The following FBN3 variants were observed in gnomAD, a reference collection of about 807,000 sequenced individuals.
FBN3 encodes fibrillin-3.
Under a neutral mutation model 330.1 loss-of-function variants are expected in FBN3, and 234 were observed. The ratio of observed to expected loss-of-function variants is 0.71; its 90% CI spans 0.64 to 0.79. The LOEUF (loss-of-function observed/expected upper bound fraction) is 0.79, where lower values mean the gene tolerates loss of function less well. FBN3 is among the 30% of genes least tolerant of loss of function. The pLI, the probability that FBN3 is intolerant of heterozygous loss-of-function variation, is 0.00. For missense variants in FBN3, 3,606 were observed against 3,886.9 expected, an observed-to-expected ratio of 0.93 and a Z score of 1.92; for synonymous variants, 1,458 against 1,517.3, an observed-to-expected ratio of 0.96 and a Z score of 0.91.
At chr19:8,120,896 G>A (rs2082831190) in intron 25 of FBN3, among the ~76,000 whole-genome samples, 1 of 152,222 alleles carries the variant, frequency 6.6e-6, no homozygotes, top group East Asian at 1.9e-4. Flanking sequence ...TAGCTCAGAG[G>A]ATGCATGTGA....
intron 57 of FBN3, among the ~76,000 whole-genome samples, chr19:8,082,370 C>T (rs79031553): frequency 3.0e-5 from 2 of 65,658 alleles, no homozygotes; most frequent in African/African-American, 1.4e-4. Context: ...TTTCTTTTTT[C>T]TTTCTTTCTC....
chr19:8,112,224 T>C (rs1173010056), intron 30 of FBN3, 125 bp from the exon 31 acceptor site: 8 of 971,196 alleles, frequency 8.2e-6, no homozygotes, highest in African/African-American at 1.7e-5. Flanking sequence ...CCTCCTCCCA[T>C]TCACCTGGGG....
chr19:8,085,139 C>G (rs1233191812), intron 56 of FBN3, among the ~76,000 whole-genome samples: 2 of 152,086 alleles, frequency 1.3e-5, no homozygotes, highest in Non-Finnish European at 2.9e-5. Flanking sequence ...CACATTGGCT[C>G]ACACAACTGC....
chr19:8,074,391 A>T (rs1460227770), intron 61 of FBN3, among the ~76,000 whole-genome samples: 2 of 152,128 alleles, frequency 1.3e-5, no homozygotes, highest in Non-Finnish European at 2.9e-5. Context: ...CCTGTGAGGC[A>T]GTGGGAGAGC....
chr19:8,089,476 T>C (rs2082043692), intron 51 of FBN3, 69 bp downstream of exon 51: 2 of 1,587,386 alleles, frequency 1.3e-6, no homozygotes, highest in Non-Finnish European at 8.6e-7. Context: ...GTGTCTTCCC[T>C]GCCCTGCTCT....
chr19:8,097,642 T>C (rs1264463160), intron 41 of FBN3, among the ~76,000 whole-genome samples: 4 of 152,130 alleles, frequency 2.6e-5, no homozygotes, highest in African/African-American at 9.7e-5. Context: ...TTTTCTCAAT[T>C]AAAAATACAC....
At position 8,094,463 on chromosome 19, in the gene FBN3, T is replaced by C; in HGVS notation, c.5888A>G (p.Gln1963Arg). 2 of 1,613,608 alleles carry C rather than the reference T, an allele frequency of 1.2e-6. No homozygotes were observed. The highest frequency in any genetic ancestry group is 1.7e-6 in the Non-Finnish European group (2 of 1,179,722). The change falls in exon 47 of 64, where the codon CAG (glutamine) becomes CGG (arginine). Residue 1963 changes from glutamine (Q) to arginine (R), a missense_variant. Coordinates refer to ENST00000600128, the MANE Select transcript of FBN3 (RefSeq NM_032447.5). ...RCICPPGFQV[Q>R]SDHCIDIDEC... ...ACACTCACCAATGCAGTGGTCACTCTGCACCTGGAAGCCAGGGGGACAGAT... is the reference window on the plus strand; with the variant it reads ...ACACTCACCAATGCAGTGGTCACTCCGCACCTGGAAGCCAGGGGGACAGAT...
Position 8,112,657 on chromosome 19 carries a change from T to C in FBN3, c.3839-558A>G, listed in dbSNP as rs558235784. On this transcript the variant is annotated intron_variant, in intron 30 of 63. Transcript: ENST00000600128. ...AGAGTGAGACTCCGTCTCAAAAAAATAAATAAATAAAAAAATAAAAAAGTG... is the reference window on the plus strand; with the variant it reads ...AGAGTGAGACTCCGTCTCAAAAAAACAAATAAATAAAAAAATAAAAAAGTG... Among the ~76,000 whole-genome samples the C allele has an allele frequency of 2.6e-5, 4 of 151,804 alleles. No individual in the cohort carries two copies. The East Asian group carries it at 7.8e-4, about 29-fold the overall frequency.
chr19:8,111,812 G>A (rs2082592328), intron 31 of FBN3, 42 bp from the exon 32 acceptor site: 1 of 1,600,612 alleles, frequency 6.2e-7, no homozygotes, highest in African/African-American at 1.3e-5. Flanking sequence ...CATGGTGTGT[G>A]CATTGGGTGG....
At position 8,138,182 on chromosome 19, in the gene FBN3, G is replaced by C; in HGVS notation, c.1160C>G (p.Ala387Gly). The C allele has an allele frequency of 6.2e-7, 1 of 1,612,514 alleles. No individual in the cohort carries two copies. Among genetic ancestry groups the C allele is most frequent in the Non-Finnish European group, 8.5e-7 (1 of 1,179,470 alleles). ...PARLNPHGSD[A>G]RGIPSLGPGN... ...AGGGCCCAGGCTGGGGATCCCACGC[G>C]CATCAGAGCCATGGGGGTTGAGTCG... Residue 387 changes from alanine (A) to glycine (G), a missense_variant, in exon 10 of 64, where the codon GCG becomes GGG. By Grantham distance (60) the Ala-to-Gly change is moderately conservative. Transcript: ENST00000600128.
Position 8,126,353 on chromosome 19 carries a change from A to G in FBN3, c.2555-6T>C, listed in dbSNP as rs774531569. On this transcript the variant is annotated splice_polypyrimidine_tract_variant and splice_region_variant and intron_variant, in intron 20 of 63. Transcript: ENST00000600128. ...GCCCCGGGCACAGGCAGGGTCTGCA[A>G]CTGGGAGAACAAGAGTGAAGAGAGG... 2 of 1,589,236 alleles carry G rather than the reference A, an allele frequency of 1.3e-6. No homozygotes were observed. Among genetic ancestry groups the G allele is most frequent in the Non-Finnish European group, 1.7e-6 (2 of 1,169,384 alleles).
Position 8,075,304 on chromosome 19 carries a change from T to C in FBN3, c.7561A>G (p.Ser2521Gly), listed in dbSNP as rs2081614762. ...CECHQGFTLV[S>G]SGHGCEDVNE... ...GTACCTTCACAGCCATGGCCTGAGC[T>C]GACCAGGGTGAAGCCTTGGTGGCAT... The change falls in exon 60 of 64, where the codon AGC becomes GGC. Residue 2521 changes from serine to glycine, a missense_variant. Transcript: ENST00000600128. 1 of 1,614,076 alleles carries C rather than the reference T, an allele frequency of 6.2e-7. No individual in the cohort carries two copies. Among genetic ancestry groups the C allele is most frequent in the Non-Finnish European group, 8.5e-7 (1 of 1,179,938 alleles).
At chr19:8,128,204 A>G (rs1359645467) in intron 18 of FBN3, among the ~76,000 whole-genome samples, 3 of 152,158 alleles carry the variant, frequency 2.0e-5, no homozygotes, top group African/African-American at 7.2e-5. Flanking sequence ...GGATGTGTGT[A>G]TAACTGTGTG....
rs2083617625 is a variant in FBN3 at position 8,149,109 on chromosome 19, C to G, written c.-18+340G>C. Among the ~76,000 whole-genome samples the G allele has an allele frequency of 2.0e-5, 3 of 152,282 alleles. No individual in the cohort carries two copies. Among genetic ancestry groups the G allele is most frequent in the Admixed American group, 2.0e-4 (3 of 15,298 alleles). On this transcript the variant is annotated intron_variant, in intron 1 of 63. Coordinates refer to ENST00000600128, the MANE Select transcript of FBN3 (RefSeq NM_032447.5). The surrounding 1 kb of genome is among the most constrained non-coding windows in gnomAD (Gnocchi z 5.5). Reference sequence around the variant, plus strand: ...CTGAGGGCCAAACAGCGAGGGATACCAAGCTTCGCCGACGGGGAGGGGGCG... The same window carrying G: ...CTGAGGGCCAAACAGCGAGGGATACGAAGCTTCGCCGACGGGGAGGGGGCG...
Position 8,126,282 on chromosome 19 carries a change from C to T in FBN3, c.2605+15G>A, listed in dbSNP as rs527383635. On this transcript the variant is annotated intron_variant, in intron 21 of 63. Transcript: ENST00000600128. Reference sequence around the variant, plus strand: ...TCTGGAGTAGGGGGTGAGCTGGACACGGGCAGGCAGTTACCATCGCAGGTG... The same window carrying T: ...TCTGGAGTAGGGGGTGAGCTGGACATGGGCAGGCAGTTACCATCGCAGGTG... 2.7e-4 allele frequency: 424 copies of T among 1,583,292 alleles called. 4 individuals carry two copies. In the South Asian group the frequency reaches 4.6e-3, roughly 17 times the overall value.
At position 8,149,269 on chromosome 19, in the gene FBN3, A is replaced by C. The variant is rs557319414; in HGVS notation, c.-18+180T>G. 7.2e-3 allele frequency among the ~76,000 whole-genome samples: 1,081 copies of C among 149,340 alleles called. 10 individuals are homozygous for C. Among genetic ancestry groups the C allele is most frequent in the African/African-American group, 0.025 (1,020 of 40,504 alleles). On this transcript the variant is annotated intron_variant, in intron 1 of 63. Transcript: ENST00000600128. The surrounding 1 kb of genome is among the most constrained non-coding windows in gnomAD (Gnocchi z 5.5). ...CCTCCCGCCGGGTCCCCGCGCCCCC[A>C]CTCCCCACTGCGGCGGGCGCCACTA...
chr19:8,134,579 T>C (rs1269147261), intron 13 of FBN3, among the ~76,000 whole-genome samples: 1 of 152,108 alleles, frequency 6.6e-6, no homozygotes, highest in East Asian at 1.9e-4. Flanking sequence ...CATATTAGTC[T>C]GTCTGCTGGG....
At chr19:8,111,849 C>A in intron 31 of FBN3, 79 bp from the exon 32 acceptor site, 2 of 1,560,570 alleles carry the variant, frequency 1.3e-6, no homozygotes, top group Admixed American at 1.7e-5. Flanking sequence ...GACCCATCAA[C>A]CCTCCAACCC....
intron 28 of FBN3, 43 bp from the exon 29 acceptor site, chr19:8,116,842 T>C (rs778805741): frequency 3.1e-5 from 50 of 1,600,304 alleles, no homozygotes; most frequent in African/African-American, 4.0e-5. Flanking sequence ...TTTGCCCTGA[T>C]AGACCACCCA....
Sources: gnomAD v4.1 joint callset for allele counts (sites outside exome capture counted in the v4.1 genomes callset) on GRCh38, gnomAD v4.1.1 for gene constraint, Gnocchi (gnomAD v3.1) non-coding constraint, MANE v1.5 for transcripts, NCBI Gene and HGNC (gene_info 2026-07-23, HGNC 2026-07-21) for gene names.